The following CDK19 variants were observed in gnomAD, a reference collection of about 807,000 sequenced individuals.
CDK19 encodes cyclin-dependent kinase 19.
In CDK19, 20 loss-of-function variants were observed where a neutral mutation model predicts 68.3. The ratio of observed to expected loss-of-function variants is 0.29; its 90% CI spans 0.21 to 0.43. The LOEUF is 0.43. Among genes scored for constraint, CDK19 ranks in the 20% least tolerant of loss-of-function variants. The pLI is 1.00. For synonymous variants in CDK19, 221 were observed against 222.8 expected (o/e 0.99, Z 0.07); for missense variants, 339 against 623.5 (o/e 0.54, Z 4.86).
chr6:110,804,829 G>A (rs1016871590), intron 1 of CDK19, among the ~76,000 whole-genome samples: 1 of 151,424 alleles, frequency 6.6e-6, no homozygotes, highest in African/African-American at 2.4e-5. Flanking sequence ...GGTGGCGAGC[G>A]TCTGTAGTCC....
chr6:110,810,126 T>C (rs7771618), intron 1 of CDK19, among the ~76,000 whole-genome samples: 51,315 of 152,036 alleles, frequency 0.34, 10,411 homozygotes, highest in Admixed American at 0.48. Context: ...TACAGAAGTA[T>C]ATAGCTTAAA....
intron 1 of CDK19, among the ~76,000 whole-genome samples, chr6:110,786,359 T>C (rs1781221709): frequency 6.6e-6 from 1 of 152,152 alleles, no homozygotes; most frequent in African/African-American, 2.4e-5. Flanking sequence ...CACTCCATCT[T>C]TTTTTCCATA....
At chr6:110,814,034 G>C (rs1247665138) in intron 1 of CDK19, 1 of 153,250 alleles carries the variant, frequency 6.5e-6, no homozygotes, top group East Asian at 1.9e-4. Flanking sequence ...GACCAAGAAA[G>C]GACAGGTATT....
chr6:110,773,331 A>G lies in CDK19; in HGVS notation c.129-27130T>C, dbSNP rs147718249. ...CTGCACTCCAGCCTGGCAACAGAGC[A>G]AGACTCTGTCTCAAAAAAAAAAAAA... On this transcript the variant is annotated intron_variant, in intron 1 of 12. Coordinates refer to ENST00000368911, the MANE Select transcript of CDK19 (RefSeq NM_015076.5). Among the ~76,000 whole-genome samples, 655 of 151,624 alleles carry G rather than the reference A, an allele frequency of 4.3e-3. 5 individuals carry two copies. The highest frequency in any genetic ancestry group is 0.014 in the African/African-American group (584 of 41,320).
intron 2 of CDK19, among the ~76,000 whole-genome samples, chr6:110,686,355 A>G (rs1772483979): frequency 6.6e-6 from 1 of 152,234 alleles, no homozygotes; most frequent in African/African-American, 2.4e-5. Flanking sequence ...TAATCAGCAG[A>G]AATGAGTGCT....
At chr6:110,692,562 C>A (rs1331394425) in intron 2 of CDK19, among the ~76,000 whole-genome samples, 1 of 152,044 alleles carries the variant, frequency 6.6e-6, no homozygotes, top group Non-Finnish European at 1.5e-5. Context: ...GGAAAACTTA[C>A]CTGAGGGAAT....
At chr6:110,762,792 A>G (rs913429036) in intron 1 of CDK19, among the ~76,000 whole-genome samples, 1 of 152,222 alleles carries the variant, frequency 6.6e-6, no homozygotes, top group Non-Finnish European at 1.5e-5. Flanking sequence ...TGACAAATAC[A>G]TATCAGTAAA....
At chr6:110,628,228 A>T (rs1441613786) in intron 6 of CDK19, among the ~76,000 whole-genome samples, 1 of 152,048 alleles carries the variant, frequency 6.6e-6, no homozygotes, top group Non-Finnish European at 1.5e-5. Flanking sequence ...ACAAACAAAA[A>T]ACTATGGTAT....
intron 4 of CDK19, among the ~76,000 whole-genome samples, chr6:110,662,761 A>G (rs1320722194): frequency 6.6e-6 from 1 of 152,236 alleles, no homozygotes; most frequent in African/African-American, 2.4e-5. Context: ...CCTGCTATAA[A>G]ATTAAAATAC....
Position 110,667,583 on chromosome 6 carries a change from T to TAAA in CDK19, c.316-12_316-10dup. 1 of 1,428,798 alleles carries TAAA rather than the reference T, an allele frequency of 7.0e-7. No individual in the cohort carries two copies. Among genetic ancestry groups the TAAA allele is most frequent in the South Asian group, 1.4e-5 (1 of 72,092 alleles). The allele number at this position is 1,428,798 out of a possible 1,614,324, so 88.5% of individuals were successfully genotyped here. On this transcript the variant is annotated splice_polypyrimidine_tract_variant and intron_variant, in intron 3 of 12. Transcript: ENST00000368911. ...TGAAACTTAATAATATGCTAAAAAT[T>TAAA]AAAAAAAAACATAATAATATAGTCT...
chr6:110,777,079 G>T (rs1024832429), intron 1 of CDK19, among the ~76,000 whole-genome samples: 1 of 152,034 alleles, frequency 6.6e-6, no homozygotes, highest in African/African-American at 2.4e-5. Flanking sequence ...ATACAAACCG[G>T]CATCTATCTA....
rs997222004 is a variant in CDK19 at position 110,815,205 on chromosome 6, C to G, written c.-69G>C. 311 of 1,449,620 alleles carry G rather than the reference C, an allele frequency of 2.1e-4. No homozygotes were observed. The highest frequency in any genetic ancestry group is 2.7e-4 in the Non-Finnish European group (301 of 1,097,176). 89.8% of individuals were successfully genotyped at this position (1,449,620 alleles called of 1,614,324 possible). On this transcript the variant is annotated 5_prime_UTR_variant, in exon 1 of 13. Coordinates refer to ENST00000368911, the MANE Select transcript of CDK19 (RefSeq NM_015076.5). ...CGCTCAGTCCCTCCTCCTCCTCCCC[C>G]CGCGACCGCCGCTCCACTTCTCCAA...
At chr6:110,646,409 G>A (rs1780579856) in intron 4 of CDK19, 5 of 1,486,334 alleles carry the variant, frequency 3.4e-6, no homozygotes, top group Non-Finnish European at 4.5e-6. Flanking sequence ...GCTGGCGGGC[G>A]GCGACATGGC....
At chr6:110,653,638 T>A (rs547228720) in intron 4 of CDK19, among the ~76,000 whole-genome samples, 2 of 152,152 alleles carry the variant, frequency 1.3e-5, no homozygotes, top group African/African-American at 2.4e-5. Context: ...TAAAATCAGA[T>A]AGATAAACCA....
intron 1 of CDK19, among the ~76,000 whole-genome samples, chr6:110,808,400 T>C (rs1433215872): frequency 6.6e-6 from 1 of 152,228 alleles, no homozygotes; most frequent in Non-Finnish European, 1.5e-5. Flanking sequence ...CTTATTTGTA[T>C]AAATAAAGGT....
intron 4 of CDK19, among the ~76,000 whole-genome samples, chr6:110,655,411 G>A (rs1394964373): frequency 3.3e-5 from 5 of 151,602 alleles, no homozygotes; most frequent in Admixed American, 6.6e-5. Flanking sequence ...ATATGCTAAT[G>A]GCACCAAAAT....
chr6:110,763,083 T>A (rs989055696), intron 1 of CDK19, among the ~76,000 whole-genome samples: 2 of 152,202 alleles, frequency 1.3e-5, no homozygotes, highest in African/African-American at 4.8e-5. Context: ...TACTGAGGTA[T>A]AGTCTTTGCC....
At chr6:110,759,428 A>AAT (rs34490988) in intron 1 of CDK19, among the ~76,000 whole-genome samples, 14,971 of 50,306 alleles carry the variant, frequency 0.3, 3,047 homozygotes, top group Admixed American at 0.4. Context: ...AAAAAAAAAA[A>AAT]ATATATATAT....
At chr6:110,664,440 A>G (rs1027070871) in intron 4 of CDK19, among the ~76,000 whole-genome samples, 1 of 152,152 alleles carries the variant, frequency 6.6e-6, no homozygotes, top group Non-Finnish European at 1.5e-5. Context: ...TGTGTATGTC[A>G]TATTTCTTCA....
Sources: allele counts gnomAD v4.1 joint callset (sites outside exome capture counted in the v4.1 genomes callset), GRCh38; gene constraint gnomAD v4.1.1; transcripts MANE v1.5; gene names NCBI Gene and HGNC (gene_info 2026-07-23, HGNC 2026-07-21).